Variants in LPAR3 observed in about 807,000 individuals in gnomAD.
The protein encoded by LPAR3 is lysophosphatidic acid receptor 3.
In LPAR3, 7 loss-of-function variants were observed where a neutral mutation model predicts 17.8. The observed-to-expected ratio is 0.39, with a 90% CI of 0.22 to 0.74. The LOEUF (loss-of-function observed/expected upper bound fraction) is 0.74, where lower values mean the gene tolerates loss of function less well. LPAR3 is among the 30% of genes least tolerant of loss of function. The probability of loss-of-function intolerance (pLI) is 0.40; values close to 1 mark genes in which losing one functional copy is unlikely to be tolerated. For missense variants in LPAR3, 391 were observed against 453.4 expected (o/e 0.86, Z 1.25); for synonymous variants, 179 against 179.9 (o/e 0.99, Z 0.04).
Position 84,813,158 on chromosome 1 carries a change from T to TATAGAGAGAGAGAG in LPAR3, c.*687_*688insCTCTCTCTCTCTAT, listed in dbSNP as rs1206774677. The TATAGAGAGAGAGAG allele has an allele frequency of 1.2e-3, 118 of 101,652 alleles. No homozygotes were observed. Among genetic ancestry groups the TATAGAGAGAGAGAG allele is most frequent in the East Asian group, 2.2e-3 (8 of 3,672 alleles). The allele number at this position is 101,652 out of a possible 1,614,324, so 6.3% of individuals were successfully genotyped here. ...ATATATATATATATATATATATATA[T>TATAGAGAGAGAGAG]AGACACACACACACACACACACACA... On this transcript the variant is annotated 3_prime_UTR_variant, in exon 3 of 3. Transcript: ENST00000370611.
At chr1:84,830,852 C>A (rs1157056721) in intron 2 of LPAR3, among the ~76,000 whole-genome samples, 1 of 152,106 alleles carries the variant, frequency 6.6e-6, no homozygotes, top group Non-Finnish European at 1.5e-5. Context: ...CTTTACCTTA[C>A]CCCCGGGCAA....
intron 2 of LPAR3, among the ~76,000 whole-genome samples, chr1:84,851,315 C>T: frequency 6.6e-6 from 1 of 152,178 alleles, no homozygotes; most frequent in Non-Finnish European, 1.5e-5. Context: ...GTCCCTCTTA[C>T]CTTTGTTCTT....
chr1:84,891,823 C>T (rs1397533823), intron 1 of LPAR3, among the ~76,000 whole-genome samples: 2 of 152,110 alleles, frequency 1.3e-5, no homozygotes, highest in Admixed American at 6.5e-5. Flanking sequence ...ATCTCAAGAC[C>T]AGGTAATGCT....
At chr1:84,887,967 T>C (rs1025623098) in intron 1 of LPAR3, among the ~76,000 whole-genome samples, 18 of 152,026 alleles carry the variant, frequency 1.2e-4, no homozygotes, top group African/African-American at 2.4e-5. Flanking sequence ...GATTGGATGA[T>C]AGTGTTTTGT....
intron 1 of LPAR3, among the ~76,000 whole-genome samples, chr1:84,873,104 G>A (rs998722714): frequency 2.6e-5 from 4 of 152,160 alleles, no homozygotes; most frequent in African/African-American, 7.2e-5. Flanking sequence ...GCCAAGAGGA[G>A]CCTAAGGAGA....
intron 1 of LPAR3, among the ~76,000 whole-genome samples, chr1:84,889,711 C>T (rs751934585): frequency 1.3e-5 from 2 of 152,196 alleles, no homozygotes; most frequent in African/African-American, 2.4e-5. Context: ...GCAGTGCCCC[C>T]TTAGCACTCA....
intron 1 of LPAR3, among the ~76,000 whole-genome samples, chr1:84,879,316 CTTTTTTT>C (rs1187756554): frequency 5.0e-5 from 6 of 120,602 alleles, no homozygotes; most frequent in Non-Finnish European, 8.2e-5. Flanking sequence ...TTTCTTTTTT[CTTTTTTT>C]TTTTTTGAGA....
At chr1:84,815,209 G>A (rs957008302) in intron 2 of LPAR3, among the ~76,000 whole-genome samples, 2 of 152,164 alleles carry the variant, frequency 1.3e-5, no homozygotes, top group African/African-American at 4.8e-5. Flanking sequence ...TTTGAACAGA[G>A]GCCGTCTTTC....
rs574899129 is a variant in LPAR3 at position 84,867,583 on chromosome 1, T to C, written c.-18-1445A>G. ...TATTTTAATGGTATAATGATACTTTTACATGAATTAGATATTGCTTTTTGG... is the reference window on the plus strand; with the variant it reads ...TATTTTAATGGTATAATGATACTTTCACATGAATTAGATATTGCTTTTTGG... On this transcript the variant is annotated intron_variant, in intron 1 of 2. Coordinates refer to ENST00000370611, the MANE Select transcript of LPAR3 (RefSeq NM_012152.3). Among the ~76,000 whole-genome samples the C allele has an allele frequency of 7.9e-5, 12 of 152,280 alleles. No individual in the cohort carries two copies. The South Asian group carries it at 2.5e-3, about 32-fold the overall frequency.
At chr1:84,890,444 C>G (rs372632059) in intron 1 of LPAR3, among the ~76,000 whole-genome samples, 2 of 152,288 alleles carry the variant, frequency 1.3e-5, no homozygotes, top group South Asian at 4.1e-4. Context: ...AGACCATGCT[C>G]AGTGCTTTCT....
At chr1:84,863,020 CAT>C (rs1476575669) in intron 2 of LPAR3, among the ~76,000 whole-genome samples, 1 of 151,522 alleles carries the variant, frequency 6.6e-6, no homozygotes, top group Non-Finnish European at 1.5e-5. Flanking sequence ...TACGAAACCA[CAT>C]GTCTTCTTGG....
intron 1 of LPAR3, among the ~76,000 whole-genome samples, chr1:84,876,801 G>T (rs1660268470): frequency 1.3e-5 from 2 of 152,164 alleles, no homozygotes; most frequent in South Asian, 2.1e-4. Flanking sequence ...GAATGATCTA[G>T]TACACTTTTC....
intron 2 of LPAR3, among the ~76,000 whole-genome samples, chr1:84,846,555 C>T (rs1050614298): frequency 6.6e-6 from 1 of 152,038 alleles, no homozygotes; most frequent in Non-Finnish European, 1.5e-5. Flanking sequence ...TATTTTTGGG[C>T]AAAACTTCAT....
At chr1:84,815,531 T>A (rs1658916961) in intron 2 of LPAR3, among the ~76,000 whole-genome samples, 1 of 152,148 alleles carries the variant, frequency 6.6e-6, no homozygotes, top group Non-Finnish European at 1.5e-5. Context: ...CTAAGAGATA[T>A]AATACCAAGC....
intron 2 of LPAR3, among the ~76,000 whole-genome samples, chr1:84,860,734 ATTTTT>A (rs35354113): frequency 0.022 from 2,442 of 113,540 alleles, 21 homozygotes; most frequent in South Asian, 0.065. Flanking sequence ...TTAGGATTTA[ATTTTT>A]TTTTTTTTTT....
chr1:84,841,681 C>G (rs1276049322), intron 2 of LPAR3, among the ~76,000 whole-genome samples: 2 of 152,196 alleles, frequency 1.3e-5, no homozygotes, highest in African/African-American at 4.8e-5. Context: ...ATCAAACTCC[C>G]GTGTGTGGCT....
rs1660037385 is a variant in LPAR3, at chr1:84,865,912, G to A, written c.209C>T (p.Ala70Val). 6.2e-7 allele frequency: 1 copy of A among 1,614,112 alleles called. No individual in the cohort carries two copies. The highest frequency in any genetic ancestry group is 1.1e-5 in the South Asian group (1 of 91,084). The stretch of plus-strand genomic sequence containing the variant: ...GAAGAAATCGGCAGCAGCTAAATTA[G>A]CCAACAGGTAGTAGAAGGGGAAATG... The part of the protein sequence containing the change: ...KFHFPFYYLL[A>V]NLAAADFFAG... The change falls in exon 2 of 3, where the codon GCT becomes GTT. Residue 70 changes from alanine to valine, a missense_variant. Transcript: ENST00000370611.
At chr1:84,824,316 A>G (rs2102746508) in intron 2 of LPAR3, among the ~76,000 whole-genome samples, 1 of 152,270 alleles carries the variant, frequency 6.6e-6, no homozygotes, top group South Asian at 2.1e-4. Context: ...TTCAGGAATG[A>G]CATGGTCCTG....
rs1553150719 is a variant in LPAR3 at position 84,892,214 on chromosome 1, A to AAAATAAT, written c.-19+801_-19+802insATTATTT. ...GATGATAGTGCGAGACTGTGTCTCAAAAATAAATAAATAAATAAATAAATA... is the reference window on the plus strand; with the variant it reads ...GATGATAGTGCGAGACTGTGTCTCAAAAATAATAAATAAATAAATAAATAAATAAATA... On this transcript the variant is annotated intron_variant, in intron 1 of 2. Coordinates refer to ENST00000370611, the MANE Select transcript of LPAR3 (RefSeq NM_012152.3). 4.9e-3 allele frequency among the ~76,000 whole-genome samples: 669 copies of AAAATAAT among 135,584 alleles called. 6 individuals carry two copies. Among genetic ancestry groups the AAAATAAT allele is most frequent in the African/African-American group, 0.019 (644 of 34,494 alleles). The allele number at this position is 135,584 out of a possible 152,430, so 88.9% of individuals were successfully genotyped here. A position where few individuals can be genotyped will look rare whatever the true frequency, so the allele number is the denominator to read the frequency against.
Sources: gnomAD v4.1 joint callset for allele counts (sites outside exome capture counted in the v4.1 genomes callset) on GRCh38, gnomAD v4.1.1 for gene constraint, MANE v1.5 for transcripts, NCBI Gene and HGNC (gene_info 2026-07-23, HGNC 2026-07-21) for gene names.